Variants in MTMR1 observed in about 807,000 individuals in gnomAD.
MTMR1 encodes the protein myotubularin related protein 1, also known as phosphatidylinositol-3-phosphate phosphatase MTMR1.
In MTMR1, 17 loss-of-function variants were observed where a neutral mutation model predicts 51.6. The observed-to-expected ratio is 0.33, with a 90% CI of 0.23 to 0.49. The LOEUF is 0.49. Ranked by LOEUF, MTMR1 falls within the 20% of genes least tolerant of loss-of-function variation. MTMR1 has a pLI of 0.99. For synonymous variants in MTMR1, 201 were observed against 205.6 expected (o/e 0.98, Z 0.19); for missense variants, 386 against 526.9 (o/e 0.73, Z 2.62).
rs1557415824 is a variant in MTMR1, at chrX:150,698,727, A to ACACACAC, written c.147-468_147-467insCACACAC. ...ACACACACACACACACACACACACAAAAGCCGGGCCTGGTGGCATGTGCCT... is the reference window on the plus strand; with the variant it reads ...ACACACACACACACACACACACACAACACACACAAGCCGGGCCTGGTGGCATGTGCCT... On this transcript the variant is annotated intron_variant, in intron 1 of 15. Coordinates refer to ENST00000445323, the MANE Select transcript of MTMR1 (RefSeq NM_001306144.3). Among the ~76,000 whole-genome samples, 34 of 85,978 alleles carry ACACACAC rather than the reference A, an allele frequency of 4.0e-4. No individual in the cohort carries two copies. The East Asian group carries it at 5.4e-3, about 14-fold the overall frequency. 74.7% of individuals were successfully genotyped at this position (85,978 alleles called of 115,157 possible).
At chrX:150,725,018 C>T (rs781863674) in intron 4 of MTMR1, among the ~76,000 whole-genome samples, 11 of 111,884 alleles carry the variant, frequency 9.8e-5, no homozygotes, top group African/African-American at 3.6e-4. Context: ...TAACATGATG[C>T]CTCCAGCTTT....
At chrX:150,708,404 C>T (rs1395957289) in intron 2 of MTMR1, among the ~76,000 whole-genome samples, 1 of 110,474 alleles carries the variant, frequency 9.1e-6, no homozygotes, top group Non-Finnish European at 1.9e-5. Context: ...TATAGTTATA[C>T]TAAAAAAGAT....
chrX:150,762,603 C>T lies in MTMR1; in HGVS notation c.1896C>T (p.Val632=). 1.6e-5 allele frequency: 19 copies of T among 1,212,058 alleles called. No homozygotes were observed. The highest frequency in any genetic ancestry group is 2.1e-5 in the Non-Finnish European group (19 of 895,549). Residue 632 remains valine, a synonymous_variant, in exon 16 of 16, where the codon GTC becomes GTT. Transcript: ENST00000445323. ...IHQNLKELLA[V]RAELQKRVEG... Reference sequence around the variant, plus strand: ...AGAATCTCAAGGAGCTGCTGGCCGTCAGGGCGGAGCTGCAGAAGCGTGTGG... The same window carrying T: ...AGAATCTCAAGGAGCTGCTGGCCGTTAGGGCGGAGCTGCAGAAGCGTGTGG...
intron 3 of MTMR1, 38 bp downstream of exon 3, chrX:150,712,403 T>C: frequency 1.8e-6 from 2 of 1,139,836 alleles, no homozygotes; most frequent in Non-Finnish European, 2.4e-6. Context: ...GGCCTCCTAC[T>C]TGTGTGTGTC....
At chrX:150,729,233 CA>C (rs2042038778) in intron 6 of MTMR1, among the ~76,000 whole-genome samples, 1 of 110,292 alleles carries the variant, frequency 9.1e-6, no homozygotes, top group South Asian at 3.9e-4. Context: ...CACACACACA[CA>C]CACACACACA....
intron 3 of MTMR1, among the ~76,000 whole-genome samples, chrX:150,716,549 AT>A (rs1354071731): frequency 8.9e-6 from 1 of 112,772 alleles, no homozygotes; most frequent in African/African-American, 3.2e-5. Flanking sequence ...AAAAATTTGA[AT>A]TGAATTAACT....
chrX:150,758,660 G>A (rs1331242883), intron 15 of MTMR1, among the ~76,000 whole-genome samples: 3 of 110,555 alleles, frequency 2.7e-5, no homozygotes, highest in Non-Finnish European at 5.7e-5. Context: ...GTGTGGTGGT[G>A]CACGCCTATA....
intron 14 of MTMR1, among the ~76,000 whole-genome samples, chrX:150,753,616 G>C (rs2042818061): frequency 1.8e-5 from 2 of 112,628 alleles, no homozygotes; most frequent in Admixed American, 9.4e-5. Flanking sequence ...CATATCTTCT[G>C]TGGAGAATGT....
intron 13 of MTMR1, among the ~76,000 whole-genome samples, chrX:150,750,091 C>T (rs1557417550): frequency 9.1e-6 from 1 of 109,405 alleles, no homozygotes; most frequent in African/African-American, 3.4e-5. Flanking sequence ...TGCTATTGCA[C>T]TCCAGCCTGG....
chrX:150,707,380 C>T (rs1435982190), intron 2 of MTMR1, among the ~76,000 whole-genome samples: 2 of 112,074 alleles, frequency 1.8e-5, no homozygotes, highest in Non-Finnish European at 3.8e-5. Context: ...ATATTTGAAA[C>T]TCGACAGTAA....
intron 13 of MTMR1, among the ~76,000 whole-genome samples, chrX:150,744,809 G>A (rs1356671791): frequency 1.8e-5 from 2 of 112,048 alleles, no homozygotes; most frequent in East Asian, 5.6e-4. Flanking sequence ...TAGAAATGAG[G>A]ATGGGAATGA....
chrX:150,755,680 G>T lies in MTMR1; in HGVS notation c.1681-9G>T, dbSNP rs1557417724. ...AAGTTTATTTCCAATGTTCTTTTTT[G>T]TTTTTCAGGATGTATATACAAAGAC... is the stretch of plus-strand genomic sequence containing the variant. On this transcript the variant is annotated splice_polypyrimidine_tract_variant and intron_variant, in intron 14 of 15. Coordinates refer to ENST00000445323, the MANE Select transcript of MTMR1 (RefSeq NM_001306144.3). The T allele has an allele frequency of 8.7e-7, 1 of 1,148,470 alleles. No individual in the cohort carries two copies. The highest frequency in any genetic ancestry group is 3.0e-5 in the Admixed American group (1 of 32,825). The allele number at this position is 1,148,470 out of a possible 1,213,427, so 94.6% of individuals were successfully genotyped here. A position where few individuals can be genotyped will look rare whatever the true frequency, so the allele number is the denominator to read the frequency against.
At chrX:150,698,781 T>A (rs2040798112) in intron 1 of MTMR1, among the ~76,000 whole-genome samples, 1 of 103,513 alleles carries the variant, frequency 9.7e-6, no homozygotes, top group Admixed American at 1.0e-4. Flanking sequence ...GAGGCTGAGG[T>A]GGGAGGATCA....
At chrX:150,728,121 C>T in intron 6 of MTMR1, among the ~76,000 whole-genome samples, 1 of 111,721 alleles carries the variant, frequency 9.0e-6, no homozygotes, top group Non-Finnish European at 1.9e-5. Flanking sequence ...AGAACATTCT[C>T]CCATATACTT....
intron 14 of MTMR1, among the ~76,000 whole-genome samples, chrX:150,751,860 T>G (rs1177999854): frequency 9.4e-6 from 1 of 106,578 alleles, no homozygotes; most frequent in Non-Finnish European, 1.9e-5. Context: ...CCACATCCAG[T>G]CCCCTGGTGA....
intron 2 of MTMR1, among the ~76,000 whole-genome samples, chrX:150,700,652 G>A (rs1302583880): frequency 2.7e-5 from 3 of 112,639 alleles, no homozygotes; most frequent in African/African-American, 6.5e-5. Context: ...GCTGCGGATC[G>A]CATCAGTTCC....
chrX:150,737,629 A>G (rs190916534), intron 12 of MTMR1, among the ~76,000 whole-genome samples, 181 bp downstream of exon 12: 426 of 112,530 alleles, frequency 3.8e-3, no homozygotes, highest in African/African-American at 0.013. Context: ...TATGTTCCTC[A>G]TAGGGCGTTT....
At chrX:150,718,126 A>G (rs1253232852) in intron 3 of MTMR1, among the ~76,000 whole-genome samples, 9 of 112,472 alleles carry the variant, frequency 8.0e-5, no homozygotes, top group African/African-American at 2.6e-4. Context: ...GCCTTTCCTT[A>G]GTTGTGTACT....
intron 4 of MTMR1, among the ~76,000 whole-genome samples, chrX:150,721,509 TTA>T (rs1467324894): frequency 1.8e-5 from 2 of 111,715 alleles, no homozygotes; most frequent in African/African-American, 6.5e-5. Context: ...CTTTGGTAGT[TTA>T]TGTCTTTCCA....
Sources: allele counts gnomAD v4.1 joint callset (sites outside exome capture counted in the v4.1 genomes callset), GRCh38; gene constraint gnomAD v4.1.1; transcripts MANE v1.5; gene names NCBI Gene and HGNC (gene_info 2026-07-23, HGNC 2026-07-21).